The following RANBP2 variants were observed in gnomAD, a reference collection of about 807,000 sequenced individuals.
The protein encoded by RANBP2 is RAN binding protein 2.
In RANBP2, 57 loss-of-function variants were observed where a neutral mutation model predicts 303.6. The ratio of observed to expected loss-of-function variants is 0.19; its 90% CI spans 0.15 to 0.23. RANBP2 has a LOEUF of 0.23. Ranked by LOEUF, RANBP2 falls within the 10% of genes least tolerant of loss-of-function variation. The pLI, the probability that RANBP2 is intolerant of heterozygous loss-of-function variation, is 1.00. For synonymous variants in RANBP2, 1,167 were observed against 1,301.5 expected (o/e 0.90, Z 2.23); for missense variants, 3,138 against 3,780.8 (o/e 0.83, Z 4.46).
chr2:109,658,689 G>A, the RANBP2 span, among the ~76,000 whole-genome samples: 15 of 152,164 alleles, frequency 9.9e-5, no homozygotes, highest in Admixed American at 5.9e-4. Flanking sequence ...CACTTTGGGA[G>A]ACTGAGGGGG....
the RANBP2 span, among the ~76,000 whole-genome samples, chr2:109,330,941 T>C: frequency 1.3e-5 from 2 of 152,158 alleles, no homozygotes; most frequent in Non-Finnish European, 2.9e-5. Flanking sequence ...GCAGTGGAAG[T>C]CCCCAGCAAG....
the RANBP2 span, among the ~76,000 whole-genome samples, chr2:109,304,513 A>G: frequency 6.6e-6 from 1 of 151,842 alleles, no homozygotes; most frequent in African/African-American, 2.4e-5. Context: ...CCTCTCTCCA[A>G]CCCCAGGGTG....
the RANBP2 span, among the ~76,000 whole-genome samples, chr2:109,448,878 C>T: frequency 6.6e-5 from 10 of 152,136 alleles, no homozygotes; most frequent in South Asian, 2.1e-3. Context: ...GGGAATGTGC[C>T]CATGTTCATG....
the RANBP2 span, among the ~76,000 whole-genome samples, chr2:109,703,237 C>T: frequency 5.9e-5 from 9 of 152,182 alleles, no homozygotes; most frequent in African/African-American, 1.9e-4. Context: ...CACTGAGATT[C>T]GCCCGCTGTT....
the RANBP2 span, among the ~76,000 whole-genome samples, chr2:108,842,229 T>C: frequency 6.6e-6 from 1 of 151,602 alleles, no homozygotes; most frequent in Non-Finnish European, 1.5e-5. Flanking sequence ...GATAGAGGCA[T>C]TGTCTTGCTT....
chr2:108,884,218 T>C, the RANBP2 span: 1 of 152,398 alleles, frequency 6.6e-6, no homozygotes, highest in Non-Finnish European at 1.5e-5. Flanking sequence ...TGTGAACTTT[T>C]AGTAAGTCAC....
At chr2:108,954,946 A>G in the RANBP2 span, among the ~76,000 whole-genome samples, 6 of 152,088 alleles carry the variant, frequency 3.9e-5, no homozygotes. Context: ...AGCCTCCCAA[A>G]GTGCTGGGAT....
the RANBP2 span, among the ~76,000 whole-genome samples, chr2:109,151,040 G>A: frequency 6.6e-6 from 1 of 152,164 alleles, no homozygotes; most frequent in East Asian, 1.9e-4. Context: ...GCAAGGGAGA[G>A]GCTTTTATGG....
At chr2:108,973,101 G>A in the RANBP2 span, among the ~76,000 whole-genome samples, 2 of 151,934 alleles carry the variant, frequency 1.3e-5, no homozygotes, top group East Asian at 1.9e-4. Flanking sequence ...CCTCTCATGC[G>A]TCAGCCTCCC....
intron 4 of RANBP2, among the ~76,000 whole-genome samples, chr2:108,733,843 T>C (rs1695361989): frequency 6.8e-6 from 1 of 148,074 alleles, no homozygotes; most frequent in Admixed American, 6.7e-5. Flanking sequence ...CTTTCCTGTA[T>C]CAGATTTTTT....
chr2:108,878,270 C>T, the RANBP2 span: 1 of 160,300 alleles, frequency 6.2e-6, no homozygotes, highest in Non-Finnish European at 1.4e-5. Context: ...TTCCTTCCTC[C>T]ATCATCATGA....
At chr2:109,615,837 G>A in the RANBP2 span, 1 of 1,614,130 alleles carries the variant, frequency 6.2e-7, no homozygotes, top group Non-Finnish European at 8.5e-7. Flanking sequence ...GGGGTGGGTC[G>A]GAGGCAAAGC....
At chr2:109,072,566 T>C in the RANBP2 span, among the ~76,000 whole-genome samples, 1 of 152,120 alleles carries the variant, frequency 6.6e-6, no homozygotes, top group Non-Finnish European at 1.5e-5. Context: ...CTCTAAACCA[T>C]CTGTGTCAAA....
intron 17 of RANBP2, among the ~76,000 whole-genome samples, chr2:108,756,561 A>T (rs1000026654): frequency 2.6e-5 from 4 of 152,210 alleles, no homozygotes; most frequent in Admixed American, 6.5e-5. Context: ...AATTTGCACA[A>T]AAATTTTGAA....
At chr2:109,012,467 T>C in the RANBP2 span, among the ~76,000 whole-genome samples, 22 of 151,608 alleles carry the variant, frequency 1.5e-4, no homozygotes, top group Non-Finnish European at 2.9e-4. Context: ...AGCCCTGGGA[T>C]TGCAAAGCAG....
At chr2:109,253,118 C>T in the RANBP2 span, among the ~76,000 whole-genome samples, 1 of 152,124 alleles carries the variant, frequency 6.6e-6, no homozygotes, top group African/African-American at 2.4e-5. Flanking sequence ...ACCTCCACCT[C>T]ACGAGTTCAA....
chr2:109,291,572 G>C, the RANBP2 span, among the ~76,000 whole-genome samples: 2 of 152,236 alleles, frequency 1.3e-5, no homozygotes, highest in African/African-American at 4.8e-5. Flanking sequence ...AGAAGCTCCT[G>C]CCACTGTCCC....
the RANBP2 span, among the ~76,000 whole-genome samples, chr2:109,530,569 C>T: frequency 7.2e-5 from 11 of 152,024 alleles, no homozygotes; most frequent in Non-Finnish European, 1.0e-4. Flanking sequence ...TAAGAAATAC[C>T]GGAATGATAT....
chr2:109,161,537 G>A, the RANBP2 span, among the ~76,000 whole-genome samples: 1 of 151,638 alleles, frequency 6.6e-6, no homozygotes, highest in African/African-American at 2.4e-5. Flanking sequence ...ACATGTCTTA[G>A]TCTAGCACCT....
Sources: gnomAD v4.1 joint callset for allele counts (sites outside exome capture counted in the v4.1 genomes callset) on GRCh38, gnomAD v4.1.1 for gene constraint, MANE v1.5 for transcripts, NCBI Gene and HGNC (gene_info 2026-07-23, HGNC 2026-07-21) for gene names.